Variants in DOK5 observed in about 807,000 individuals in gnomAD.
DOK5 encodes downstream of tyrosine kinase 5.
DOK5 carries 27 observed loss-of-function variants against 43.3 expected under a neutral mutation model. The observed-to-expected ratio is 0.62, with a 90% CI of 0.46 to 0.86. DOK5 has a LOEUF of 0.86. DOK5 is among the 40% of genes least tolerant of loss of function. The pLI, the probability that DOK5 is intolerant of heterozygous loss-of-function variation, is 0.00. For synonymous variants in DOK5, 146 were observed against 140.1 expected (o/e 1.04, Z -0.30); for missense variants, 373 against 392.9 (o/e 0.95, Z 0.43).
chr20:54,499,806 G>T (rs73142924), intron 1 of DOK5, among the ~76,000 whole-genome samples: 1 of 152,130 alleles, frequency 6.6e-6, no homozygotes, highest in South Asian at 2.1e-4. Flanking sequence ...CTATTCTGAC[G>T]TGTTGTCACT....
intron 2 of DOK5, among the ~76,000 whole-genome samples, chr20:54,587,085 G>A (rs1985827990): frequency 6.6e-6 from 1 of 152,160 alleles, no homozygotes; most frequent in Non-Finnish European, 1.5e-5. Context: ...AAGTAGTTGT[G>A]ACAAGATGAT....
Position 54,588,935 on chromosome 20 carries a change from A to G in DOK5, c.409+129A>G, listed in dbSNP as rs138084181. On this transcript the variant is annotated intron_variant, in intron 4 of 7. Coordinates refer to ENST00000262593, the MANE Select transcript of DOK5 (RefSeq NM_018431.5). ...TGTATAAAGAAATAAGTAATCTTTTATCTAATCCACAACCTGTGTTAACAT... is the reference window on the plus strand; with the variant it reads ...TGTATAAAGAAATAAGTAATCTTTTGTCTAATCCACAACCTGTGTTAACAT... 3,455 of 947,506 alleles carry G rather than the reference A, an allele frequency of 3.6e-3. 10 individuals are homozygous for G. Among genetic ancestry groups the G allele is most frequent in the Admixed American group, 7.9e-3 (272 of 34,376 alleles). 58.7% of individuals were successfully genotyped at this position (947,506 alleles called of 1,614,324 possible).
At chr20:54,573,686 C>CAAAAAAA (rs1321685949) in intron 2 of DOK5, among the ~76,000 whole-genome samples, 1 of 50,966 alleles carries the variant, frequency 2.0e-5, no homozygotes, top group Non-Finnish European at 4.1e-5. Flanking sequence ...GACTCCATCT[C>CAAAAAAA]AAAAAAAAAA....
chr20:54,581,789 A>G (rs897548412), intron 2 of DOK5, among the ~76,000 whole-genome samples: 3 of 151,894 alleles, frequency 2.0e-5, no homozygotes, highest in African/African-American at 4.8e-5. Context: ...TTTTGTGTGT[A>G]GATAGAATCT....
intron 6 of DOK5, among the ~76,000 whole-genome samples, chr20:54,635,467 A>C (rs941905435): frequency 2.6e-5 from 4 of 152,174 alleles, no homozygotes; most frequent in African/African-American, 9.6e-5. Context: ...TGGTCTCCAC[A>C]ACCCCTTACC....
At chr20:54,480,719 C>T (rs1231066073) in intron 1 of DOK5, among the ~76,000 whole-genome samples, 1 of 152,166 alleles carries the variant, frequency 6.6e-6, no homozygotes, top group Non-Finnish European at 1.5e-5. Flanking sequence ...TGGTGACTTT[C>T]CATATACTGC....
intron 1 of DOK5, among the ~76,000 whole-genome samples, chr20:54,546,225 CAT>C (rs1265750397): frequency 6.6e-6 from 1 of 152,070 alleles, no homozygotes; most frequent in African/African-American, 2.4e-5. Context: ...TGAAATAATG[CAT>C]ATAAAAGGCT....
At chr20:54,489,533 CT>C (rs1982080915) in intron 1 of DOK5, among the ~76,000 whole-genome samples, 2 of 152,080 alleles carry the variant, frequency 1.3e-5, no homozygotes, top group South Asian at 2.1e-4. Flanking sequence ...TAGGATTCCC[CT>C]GTATGGATAT....
chr20:54,616,288 A>G (rs754433087), intron 6 of DOK5, among the ~76,000 whole-genome samples: 1 of 152,202 alleles, frequency 6.6e-6, no homozygotes, highest in Non-Finnish European at 1.5e-5. Flanking sequence ...GTATCTTTGA[A>G]TCAAGCCCCT....
chr20:54,537,071 A>G (rs1983984681), intron 1 of DOK5, among the ~76,000 whole-genome samples: 1 of 152,214 alleles, frequency 6.6e-6, no homozygotes, highest in Non-Finnish European at 1.5e-5. Context: ...TGGAGGCCGC[A>G]TGAGCAGACA....
At chr20:54,619,324 C>T (rs1187174382) in intron 6 of DOK5, among the ~76,000 whole-genome samples, 2 of 151,668 alleles carry the variant, frequency 1.3e-5, no homozygotes, top group East Asian at 1.9e-4. Flanking sequence ...CTGGAGAAGC[C>T]GCAGCAAAAC....
intron 1 of DOK5, among the ~76,000 whole-genome samples, chr20:54,489,342 C>A (rs902055767): frequency 6.6e-6 from 1 of 151,960 alleles, no homozygotes; most frequent in African/African-American, 2.4e-5. Flanking sequence ...TTCCCTTTTT[C>A]AGAAGCAACC....
intron 1 of DOK5, among the ~76,000 whole-genome samples, chr20:54,491,399 A>C (rs1490212900): frequency 6.6e-6 from 1 of 152,192 alleles, no homozygotes; most frequent in Non-Finnish European, 1.5e-5. Context: ...TATGTCAAGA[A>C]ATTCCAAAAG....
intron 2 of DOK5, among the ~76,000 whole-genome samples, chr20:54,579,242 C>A (rs760490247): frequency 3.2e-4 from 48 of 152,042 alleles, no homozygotes; most frequent in Admixed American, 4.6e-4. Flanking sequence ...ACCATTAATA[C>A]AAGAACAGTA....
At chr20:54,628,282 G>A (rs779223896) in intron 6 of DOK5, among the ~76,000 whole-genome samples, 3 of 151,286 alleles carry the variant, frequency 2.0e-5, no homozygotes, top group Non-Finnish European at 3.0e-5. Flanking sequence ...GGTGGCGGGC[G>A]CCTGTAGTCC....
chr20:54,540,560 G>C (rs1291431977), intron 1 of DOK5, among the ~76,000 whole-genome samples: 1 of 152,158 alleles, frequency 6.6e-6, no homozygotes, highest in Admixed American at 6.5e-5. Context: ...CTGTTGCCCA[G>C]GCTGGAGTGC....
chr20:54,646,594 T>G (rs1334937734), intron 7 of DOK5, among the ~76,000 whole-genome samples: 1 of 152,166 alleles, frequency 6.6e-6, no homozygotes, highest in Non-Finnish European at 1.5e-5. Flanking sequence ...TAATAAGTAT[T>G]GAAGATTTAA....
chr20:54,608,736 T>A (rs2146791165), intron 5 of DOK5, among the ~76,000 whole-genome samples: 1 of 151,500 alleles, frequency 6.6e-6, no homozygotes, highest in East Asian at 1.9e-4. Context: ...AGTCGCATGA[T>A]CTCAGCTCAC....
chr20:54,561,903 C>T (rs1204102986), intron 2 of DOK5, among the ~76,000 whole-genome samples: 5 of 152,180 alleles, frequency 3.3e-5, no homozygotes, highest in African/African-American at 1.2e-4. Flanking sequence ...GTGATCCGCC[C>T]ACCTCGGCCT....
Sources: gnomAD v4.1 joint callset for allele counts (sites outside exome capture counted in the v4.1 genomes callset) on GRCh38, gnomAD v4.1.1 for gene constraint, MANE v1.5 for transcripts, NCBI Gene and HGNC (gene_info 2026-07-23, HGNC 2026-07-21) for gene names.